Variants in FAXC observed in about 807,000 individuals in gnomAD.
FAXC encodes the protein failed axon connections homolog, metaxin like GST domain containing.
A neutral mutation model predicts 41.9 loss-of-function variants in FAXC; 10 were observed. That is an observed-to-expected ratio of 0.24 (90% CI 0.15 to 0.41). The LOEUF (loss-of-function observed/expected upper bound fraction) is 0.41. FAXC is among the 10% of genes least tolerant of loss of function. The probability of loss-of-function intolerance (pLI) is 1.00; values close to 1 mark genes in which losing one functional copy is unlikely to be tolerated. For missense variants in FAXC, 399 were observed against 510.9 expected, an observed-to-expected ratio of 0.78 and a Z score of 2.11; for synonymous variants, 183 against 183.8, an observed-to-expected ratio of 1.00 and a Z score of 0.03.
intron 2 of FAXC, among the ~76,000 whole-genome samples, chr6:99,337,437 T>C (rs771238021): frequency 3.9e-5 from 6 of 152,236 alleles, no homozygotes; most frequent in Non-Finnish European, 8.8e-5. Context: ...TCAAATGATG[T>C]AGGTGTCTTT....
chr6:99,332,279 A>G (rs1015139709), intron 3 of FAXC, among the ~76,000 whole-genome samples: 5 of 152,240 alleles, frequency 3.3e-5, no homozygotes, highest in Non-Finnish European at 5.9e-5. Context: ...TTCTCCAGTC[A>G]AGCCCATATT....
chr6:99,316,249 C>T (rs928001053), intron 4 of FAXC, among the ~76,000 whole-genome samples: 1 of 150,958 alleles, frequency 6.6e-6, no homozygotes, highest in African/African-American at 2.4e-5. Context: ...CATCAAAATG[C>T]AATCTTGTGT....
chr6:99,349,396 C>A lies in FAXC; in HGVS notation c.-24G>T. ...ATGCTGCGCGGCTGGCTCCGGGCGC[C>A]CCTCCCAGGGCCCGCGCCGCCCGCA... is the stretch of plus-strand genomic sequence containing the variant. On this transcript the variant is annotated 5_prime_UTR_variant, in exon 1 of 6. Coordinates refer to ENST00000389677, the MANE Select transcript of FAXC (RefSeq NM_032511.4). 6.3e-7 allele frequency: 1 copy of A among 1,584,562 alleles called. No homozygotes were observed. The highest frequency in any genetic ancestry group is 1.7e-5 in the Admixed American group (1 of 57,620).
At chr6:99,339,007 C>T (rs913973751) in intron 2 of FAXC, among the ~76,000 whole-genome samples, 1 of 152,188 alleles carries the variant, frequency 6.6e-6, no homozygotes, top group African/African-American at 2.4e-5. Context: ...ATAGCACTTA[C>T]CAAACTAAAG....
intron 5 of FAXC, among the ~76,000 whole-genome samples, chr6:99,291,458 G>C (rs759850495): frequency 5.9e-5 from 9 of 152,160 alleles, no homozygotes; most frequent in Non-Finnish European, 1.3e-4. Flanking sequence ...TAAAAACATC[G>C]CAGGACCTAT....
intron 5 of FAXC, 117 bp from the exon 6 acceptor site, chr6:99,281,570 T>C (rs969938621): frequency 3.6e-6 from 3 of 840,218 alleles, no homozygotes; most frequent in Admixed American, 2.3e-5. Flanking sequence ...TGTGATGGTC[T>C]AAGGAGGTGG....
intron 2 of FAXC, 42 bp from the exon 3 acceptor site, chr6:99,333,589 A>G: frequency 6.8e-7 from 1 of 1,480,596 alleles, no homozygotes; most frequent in Non-Finnish European, 9.2e-7. Context: ...GCAATATTGT[A>G]TTTAAATTCC....
chr6:99,340,531 T>C (rs1329477943), intron 2 of FAXC, among the ~76,000 whole-genome samples: 1 of 151,846 alleles, frequency 6.6e-6, no homozygotes, highest in Non-Finnish European at 1.5e-5. Context: ...CTAAAGATAT[T>C]CATCAGGGAA....
intron 1 of FAXC, among the ~76,000 whole-genome samples, chr6:99,346,986 G>A (rs146606732): frequency 7.7e-4 from 118 of 152,270 alleles, no homozygotes; most frequent in African/African-American, 2.5e-3. Flanking sequence ...AACTGGCCAA[G>A]TATGGTGGCT....
At chr6:99,349,016 G>T in intron 1 of FAXC, 91 bp downstream of exon 1, 1 of 1,302,232 alleles carries the variant, frequency 7.7e-7, no homozygotes, top group Admixed American at 2.1e-5. Context: ...CAGCTTGACC[G>T]AGGGGCTGGC....
At chr6:99,310,500 C>G (rs767962869) in intron 4 of FAXC, among the ~76,000 whole-genome samples, 3 of 152,252 alleles carry the variant, frequency 2.0e-5, no homozygotes, top group Non-Finnish European at 4.4e-5. Context: ...CTCCCCACCT[C>G]CCTGGGTGAT....
rs143113423 is a variant in FAXC at position 99,301,241 on chromosome 6, A to C, written c.824-9421T>G. Among the ~76,000 whole-genome samples the C allele has an allele frequency of 5.9e-5, 9 of 152,330 alleles. No individual in the cohort carries two copies. In the East Asian group the frequency reaches 1.7e-3, roughly 29 times the overall value. ...GAAATCCTAAACCTTCTCAAACCAT[A>C]CACTCATCAGTATGCTGGACATCAT... On this transcript the variant is annotated intron_variant, in intron 4 of 5. Transcript: ENST00000389677.
intron 3 of FAXC, among the ~76,000 whole-genome samples, chr6:99,324,043 G>A (rs994975261): frequency 6.6e-6 from 1 of 152,132 alleles, no homozygotes; most frequent in Admixed American, 6.5e-5. Flanking sequence ...GGGGGCACAG[G>A]GCAGGAGGCA....
intron 4 of FAXC, among the ~76,000 whole-genome samples, chr6:99,318,899 G>A (rs752287857): frequency 2.6e-5 from 4 of 152,150 alleles, no homozygotes; most frequent in Non-Finnish European, 1.5e-5. Flanking sequence ...CTCTAGCCAC[G>A]CTGGTTCCCA....
At chr6:99,298,048 C>T (rs972427319) in intron 4 of FAXC, among the ~76,000 whole-genome samples, 1 of 152,128 alleles carries the variant, frequency 6.6e-6, no homozygotes, top group East Asian at 1.9e-4. Flanking sequence ...AACAAGCTTT[C>T]GGGTCAGGGT....
chr6:99,288,847 G>GACACACACACACACAC (rs11274408), intron 5 of FAXC, among the ~76,000 whole-genome samples: 31 of 69,434 alleles, frequency 4.5e-4, no homozygotes, highest in African/African-American at 1.4e-3. Context: ...CACATGAATC[G>GACACACACACACACAC]ACACACACAC....
intron 4 of FAXC, among the ~76,000 whole-genome samples, chr6:99,320,202 GTGT>G (rs1414787487): frequency 6.6e-6 from 1 of 152,124 alleles, no homozygotes; most frequent in Non-Finnish European, 1.5e-5. Context: ...TTTACTAAGA[GTGT>G]TTATCAGGAA....
chr6:99,302,353 T>G (rs1771745765), intron 4 of FAXC, among the ~76,000 whole-genome samples: 1 of 152,202 alleles, frequency 6.6e-6, no homozygotes, highest in Non-Finnish European at 1.5e-5. Context: ...TGCCACATTC[T>G]TCTTGTTAAA....
At chr6:99,283,413 T>C (rs1002002363) in intron 5 of FAXC, among the ~76,000 whole-genome samples, 2 of 152,256 alleles carry the variant, frequency 1.3e-5, no homozygotes, top group African/African-American at 4.8e-5. Context: ...ATTGCTGTTT[T>C]ACTTACATCC....
Sources: allele counts gnomAD v4.1 joint callset (sites outside exome capture counted in the v4.1 genomes callset), GRCh38; gene constraint gnomAD v4.1.1; transcripts MANE v1.5; gene names NCBI Gene and HGNC (gene_info 2026-07-23, HGNC 2026-07-21).